MARCHF1: variants seen among roughly 807,000 people sequenced by gnomAD.
The protein encoded by MARCHF1 is membrane associated ring-CH-type finger 1.
A neutral mutation model predicts 54.2 loss-of-function variants in MARCHF1; 40 were observed. That is an observed-to-expected ratio of 0.74 (90% CI 0.57 to 0.96). The LOEUF (loss-of-function observed/expected upper bound fraction) is 0.96, where lower values mean the gene tolerates loss of function less well. MARCHF1 is among the 40% of genes least tolerant of loss of function. MARCHF1 has a pLI of 0.00. For synonymous variants in MARCHF1, 236 were observed against 236.3 expected, an observed-to-expected ratio of 1.00 and a Z score of 0.01; for missense variants, 586 against 656.5, an observed-to-expected ratio of 0.89 and a Z score of 1.17.
rs1451624126 is a variant in MARCHF1, at chr4:163,857,022, A to ATAAC, written c.-38-2854_-38-2853insGTTA. 3.4e-5 allele frequency among the ~76,000 whole-genome samples: 5 copies of ATAAC among 145,840 alleles called. No homozygotes were observed. The East Asian group carries it at 9.9e-4, about 29-fold the overall frequency. Reference sequence around the variant, plus strand: ...AACAGGACTTTGTCTCGAAAAATAAATAAATAAATAAATAAATAAATAAAT... The same window carrying ATAAC: ...AACAGGACTTTGTCTCGAAAAATAAATAACTAAATAAATAAATAAATAAATAAAT... On this transcript the variant is annotated intron_variant, in intron 3 of 9. Coordinates refer to ENST00000514618, the MANE Select transcript of MARCHF1 (RefSeq NM_001394959.1).
intron 1 of MARCHF1, among the ~76,000 whole-genome samples, chr4:164,151,666 T>C (rs1295059214): frequency 6.6e-6 from 1 of 152,168 alleles, no homozygotes; most frequent in African/African-American, 2.4e-5. Flanking sequence ...CTGGAGCCAC[T>C]ACATGCAAAG....
Position 163,878,481 on chromosome 4 carries a change from G to C in MARCHF1, c.-38-24312C>G, listed in dbSNP as rs76899554. ...TGCAGCATCTTGTCCTGCCAGAAAG[G>C]CTTTTCTAACTCAGGATTTGGGGAA... On this transcript the variant is annotated intron_variant, in intron 3 of 9. Transcript: ENST00000514618. 2.0e-5 allele frequency among the ~76,000 whole-genome samples: 3 copies of C among 152,170 alleles called. 1 individual carries two copies. Among genetic ancestry groups the C allele is most frequent in the Non-Finnish European group, 4.4e-5 (3 of 68,026 alleles).
intron 4 of MARCHF1, among the ~76,000 whole-genome samples, chr4:163,757,479 A>C (rs1240003567): frequency 7.9e-5 from 12 of 152,194 alleles, no homozygotes; most frequent in Non-Finnish European, 1.5e-5. Flanking sequence ...CCCTATTTTG[A>C]GTCTGTAATA....
chr4:164,065,744 T>C (rs1754712550), intron 2 of MARCHF1, among the ~76,000 whole-genome samples: 1 of 152,162 alleles, frequency 6.6e-6, no homozygotes, highest in African/African-American at 2.4e-5. Flanking sequence ...CAGCCTTCAG[T>C]GTGTGGCTGA....
At chr4:163,970,381 C>A (rs1370901201) in intron 3 of MARCHF1, among the ~76,000 whole-genome samples, 2 of 152,176 alleles carry the variant, frequency 1.3e-5, no homozygotes, top group Non-Finnish European at 2.9e-5. Context: ...GGGAAATACA[C>A]CGAGTCATCC....
At chr4:164,132,043 CCA>C (rs1756311161) in intron 1 of MARCHF1, among the ~76,000 whole-genome samples, 1 of 152,052 alleles carries the variant, frequency 6.6e-6, no homozygotes, top group Non-Finnish European at 1.5e-5. Context: ...CACAGAACAG[CCA>C]ATGGAACAAC....
At position 164,051,492 on chromosome 4, in the gene MARCHF1, C is replaced by T. The variant is rs139020565; in HGVS notation, c.-248+60096G>A. ...CTACCTGGTGGGAGAATCCTATATA[C>T]GCTGCTTTTCTATCTTTTCTAAATT... On this transcript the variant is annotated intron_variant, in intron 2 of 9. Coordinates refer to ENST00000514618, the MANE Select transcript of MARCHF1 (RefSeq NM_001394959.1). Among the ~76,000 whole-genome samples the T allele has an allele frequency of 8.4e-3, 1,282 of 152,196 alleles. 20 individuals carry two copies. Among genetic ancestry groups the T allele is most frequent in the African/African-American group, 0.029 (1,206 of 41,544 alleles).
At chr4:164,119,397 G>T (rs927661085) in intron 1 of MARCHF1, among the ~76,000 whole-genome samples, 7 of 146,686 alleles carry the variant, frequency 4.8e-5, no homozygotes, top group South Asian at 2.1e-4. Context: ...TACAAATAAA[G>T]AAATACAAAT....
intron 8 of MARCHF1, among the ~76,000 whole-genome samples, chr4:163,562,017 C>G (rs1739484002): frequency 6.6e-6 from 1 of 152,132 alleles, no homozygotes; most frequent in Non-Finnish European, 1.5e-5. Flanking sequence ...ACACTCCAGG[C>G]CAGGAGTGGT....
intron 1 of MARCHF1, among the ~76,000 whole-genome samples, chr4:164,337,524 G>C (rs910456443): frequency 2.0e-5 from 3 of 152,182 alleles, no homozygotes; most frequent in Non-Finnish European, 4.4e-5. Flanking sequence ...CAGCATGGAT[G>C]AGTAAATGGC....
chr4:163,666,369 A>G (rs1042688431), intron 5 of MARCHF1, among the ~76,000 whole-genome samples: 3 of 152,086 alleles, frequency 2.0e-5, no homozygotes, highest in African/African-American at 4.8e-5. Context: ...AGTGCATTTT[A>G]TTTTATTGCT....
At chr4:164,361,425 A>G (rs751668379) in intron 1 of MARCHF1, among the ~76,000 whole-genome samples, 60 of 152,268 alleles carry the variant, frequency 3.9e-4, no homozygotes, top group Middle Eastern at 6.8e-3. Flanking sequence ...ATATAAATCT[A>G]TAAAGAAATT....
At chr4:164,109,738 C>G (rs1005211566) in intron 2 of MARCHF1, among the ~76,000 whole-genome samples, 2 of 151,302 alleles carry the variant, frequency 1.3e-5, no homozygotes, top group African/African-American at 4.8e-5. Context: ...AATCTAAGCT[C>G]TAATAACTCC....
intron 4 of MARCHF1, among the ~76,000 whole-genome samples, chr4:163,848,179 C>T (rs1749539497): frequency 1.3e-5 from 2 of 152,140 alleles, no homozygotes; most frequent in Non-Finnish European, 1.5e-5. Flanking sequence ...GTATTACATA[C>T]TTCTCCTTGA....
chr4:163,755,493 T>C (rs1320439369), intron 4 of MARCHF1, among the ~76,000 whole-genome samples: 1 of 152,176 alleles, frequency 6.6e-6, no homozygotes, highest in East Asian at 1.9e-4. Flanking sequence ...GGGCTCTTAG[T>C]TTTCTCTGTA....
At chr4:163,952,920 G>T (rs1168759780) in intron 3 of MARCHF1, among the ~76,000 whole-genome samples, 3 of 152,110 alleles carry the variant, frequency 2.0e-5, no homozygotes, top group African/African-American at 7.2e-5. Flanking sequence ...TAAGTAAAAA[G>T]AAGAATGTGA....
At chr4:164,063,262 C>T (rs563647464) in intron 2 of MARCHF1, among the ~76,000 whole-genome samples, 9 of 152,346 alleles carry the variant, frequency 5.9e-5, no homozygotes, top group African/African-American at 1.9e-4. Context: ...AGTCCTGGCA[C>T]GGACATCTCT....
At position 163,710,974 on chromosome 4, in the gene MARCHF1, C is replaced by T. The variant is rs188275419; in HGVS notation, c.112-10111G>A. Among the ~76,000 whole-genome samples the T allele has an allele frequency of 2.0e-4, 30 of 151,872 alleles. No individual in the cohort carries two copies. The East Asian group carries it at 3.5e-3, about 18-fold the overall frequency. On this transcript the variant is annotated intron_variant, in intron 4 of 9. Transcript: ENST00000514618. ...GTATATGGGCAGGTTTATTTTTTCC[C>T]GAAATTCTGTTTTATATGACTATGT...
chr4:164,204,187 C>A (rs190985115), intron 1 of MARCHF1, among the ~76,000 whole-genome samples: 1 of 152,256 alleles, frequency 6.6e-6, no homozygotes, highest in African/African-American at 2.4e-5. Flanking sequence ...GAAGTCTCAT[C>A]AAACGTCAAA....
Sources: allele counts gnomAD v4.1 joint callset (sites outside exome capture counted in the v4.1 genomes callset), GRCh38; gene constraint gnomAD v4.1.1; transcripts MANE v1.5; gene names NCBI Gene and HGNC (gene_info 2026-07-23, HGNC 2026-07-21).